Variants in NACC2 observed in about 807,000 individuals in gnomAD.
NACC2 encodes the protein NACC family member 2, also known as nucleus accumbens-associated protein 2.
A neutral mutation model predicts 25.1 loss-of-function variants in NACC2; 8 were observed. That is an observed-to-expected ratio of 0.32 (90% CI 0.19 to 0.57). The LOEUF is 0.57. Ranked by LOEUF, NACC2 falls within the 20% of genes least tolerant of loss-of-function variation. The pLI, the probability that NACC2 is intolerant of heterozygous loss-of-function variation, is 0.89. For missense variants in NACC2, 644 were observed against 650.2 expected, an observed-to-expected ratio of 0.99 and a Z score of 0.10; for synonymous variants, 435 against 294.7, an observed-to-expected ratio of 1.48 and a Z score of -4.88.
At chr9:136,024,542 GT>G (rs1840358462) in intron 2 of NACC2, among the ~76,000 whole-genome samples, 1 of 140,558 alleles carries the variant, frequency 7.1e-6, no homozygotes, top group Admixed American at 7.7e-5. Context: ...TGGACAGTGT[GT>G]GTGAGGACAG....
At chr9:136,074,070 C>T (rs1344919365) in intron 1 of NACC2, among the ~76,000 whole-genome samples, 1 of 152,064 alleles carries the variant, frequency 6.6e-6, no homozygotes, top group Non-Finnish European at 1.5e-5. Context: ...CTTTGGGAGG[C>T]TGAAGCAGAA....
intron 1 of NACC2, among the ~76,000 whole-genome samples, chr9:136,089,732 G>C (rs1224478714): frequency 1.3e-5 from 2 of 151,550 alleles, no homozygotes; most frequent in African/African-American, 4.9e-5. Context: ...CTTCATTTAG[G>C]AGCCACGGCC....
At chr9:136,043,140 A>G (rs1487598006) in intron 2 of NACC2, among the ~76,000 whole-genome samples, 1 of 152,248 alleles carries the variant, frequency 6.6e-6, no homozygotes, top group Non-Finnish European at 1.5e-5. Context: ...GATCTTCATC[A>G]AAATTTAAAA....
Position 136,031,501 on chromosome 9 carries a change from T to C in NACC2, c.887-15072A>G, listed in dbSNP as rs549886755. Among the ~76,000 whole-genome samples the C allele has an allele frequency of 2.6e-5, 4 of 152,134 alleles. No individual in the cohort carries two copies. In the South Asian group the frequency reaches 8.3e-4, roughly 32 times the overall value. ...TACAGGTGTGCGCCACCACACCAGG[T>C]TAATTTTTGTATTTTTAGTAGAGAT... On this transcript the variant is annotated intron_variant, in intron 2 of 5. Transcript: ENST00000277554.
At chr9:136,074,392 G>A (rs1830233823) in intron 1 of NACC2, among the ~76,000 whole-genome samples, 1 of 143,396 alleles carries the variant, frequency 7.0e-6, no homozygotes, top group Non-Finnish European at 1.5e-5. Flanking sequence ...GGCGGAGCTT[G>A]CAGTGAGCCG....
intron 1 of NACC2, among the ~76,000 whole-genome samples, chr9:136,058,664 A>T (rs1268584217): frequency 6.6e-6 from 1 of 152,214 alleles, no homozygotes; most frequent in Admixed American, 6.5e-5. Flanking sequence ...GCTCGATCGC[A>T]ACCCACCTCA....
intron 1 of NACC2, among the ~76,000 whole-genome samples, chr9:136,062,245 G>A (rs1841024000): frequency 6.6e-6 from 1 of 152,088 alleles, no homozygotes; most frequent in Admixed American, 6.6e-5. Context: ...CATGATGACT[G>A]CAAATACTTC....
intron 2 of NACC2, among the ~76,000 whole-genome samples, chr9:136,021,561 AAGT>A (rs1840294534): frequency 1.3e-5 from 2 of 152,226 alleles, no homozygotes; most frequent in Non-Finnish European, 2.9e-5. Flanking sequence ...GCTTCTTGTC[AAGT>A]TCAACATACA....
intron 2 of NACC2, among the ~76,000 whole-genome samples, chr9:136,039,576 G>T (rs1263719192): frequency 6.6e-6 from 1 of 152,144 alleles, no homozygotes; most frequent in Non-Finnish European, 1.5e-5. Flanking sequence ...AATTCCTTGA[G>T]AAAATATCAG....
At chr9:136,080,644 G>A (rs1830312700) in intron 1 of NACC2, among the ~76,000 whole-genome samples, 2 of 152,074 alleles carry the variant, frequency 1.3e-5, no homozygotes, top group South Asian at 4.1e-4. Flanking sequence ...AGACCGCACA[G>A]AATCAGCCCA....
At chr9:136,044,580 T>G (rs1204244089) in intron 2 of NACC2, among the ~76,000 whole-genome samples, 6 of 152,114 alleles carry the variant, frequency 3.9e-5, no homozygotes, top group African/African-American at 1.4e-4. Context: ...TGGGTGGTGG[T>G]GGGGGGGCTC....
rs1276104414 is a variant in NACC2, at chr9:136,024,186, AGTGT to A, written c.887-7761_887-7758del. 8.9e-4 allele frequency among the ~76,000 whole-genome samples: 75 copies of A among 84,312 alleles called. 1 individual carries two copies. Among genetic ancestry groups the A allele is most frequent in the African/African-American group, 2.3e-3 (46 of 19,802 alleles). 55.3% of individuals were successfully genotyped at this position (84,312 alleles called of 152,430 possible). A position where few individuals can be genotyped will look rare whatever the true frequency, so the allele number is the denominator to read the frequency against. On this transcript the variant is annotated intron_variant, in intron 2 of 5. Coordinates refer to ENST00000277554, the MANE Select transcript of NACC2 (RefSeq NM_144653.5). Reference sequence around the variant, plus strand: ...TGTGTGTGTGTGTGTGTGAGGACGGAGTGTGTGTGTGTGAGGACAGAGTGTGTGT... The same window carrying A: ...TGTGTGTGTGTGTGTGTGAGGACGGAGTGTGTGTGAGGACAGAGTGTGTGT...
intron 2 of NACC2, among the ~76,000 whole-genome samples, chr9:136,021,824 G>A (rs1223228546): frequency 6.6e-6 from 1 of 152,198 alleles, no homozygotes; most frequent in Non-Finnish European, 1.5e-5. Context: ...AAATCGTGCT[G>A]TTACACAGAA....
chr9:136,084,365 T>C lies in NACC2; in HGVS notation c.-60+10824A>G, dbSNP rs978335334. On this transcript the variant is annotated intron_variant, in intron 1 of 5. Coordinates refer to ENST00000277554, the MANE Select transcript of NACC2 (RefSeq NM_144653.5). This position sits in a 1 kb window ranked among gnomAD's most constrained non-coding sequence, Gnocchi z 5.1. ...CAAAGGCGGGTTGCTGGAGGGCTGC[T>C]TCCGAGACTCATCCATCACACAGAC... Among the ~76,000 whole-genome samples, 8 of 152,266 alleles carry C rather than the reference T, an allele frequency of 5.3e-5. 1 individual carries two copies. Among genetic ancestry groups the C allele is most frequent in the Admixed American group, 3.9e-4 (6 of 15,296 alleles).
At position 136,073,649 on chromosome 9, in the gene NACC2, T is replaced by G. The variant is rs983658051; in HGVS notation, c.-60+21540A>C. ...GGATGTATGGACAACCCAAGAATGT[T>G]TGCAGAAAGTCGACTTGATTTCCCT... On this transcript the variant is annotated intron_variant, in intron 1 of 5. Coordinates refer to ENST00000277554, the MANE Select transcript of NACC2 (RefSeq NM_144653.5). Among the ~76,000 whole-genome samples the G allele has an allele frequency of 2.0e-4, 15 of 75,114 alleles. No individual in the cohort carries two copies. The East Asian group carries it at 0.017, about 83-fold the overall frequency. The allele number at this position is 75,114 out of a possible 152,430, so 49.3% of individuals were successfully genotyped here.
Position 136,018,320 on chromosome 9 carries a change from G to A in NACC2, c.887-1891C>T, listed in dbSNP as rs1188881340. On this transcript the variant is annotated intron_variant, in intron 2 of 5. Transcript: ENST00000277554. This position sits in a 1 kb window ranked among gnomAD's most constrained non-coding sequence, Gnocchi z 4.4. ...CAGCCTGAGGAGGGCAGGAGGCAGG[G>A]AGGGTCCCAGAGTCACCTTTGCACC... 2.0e-5 allele frequency among the ~76,000 whole-genome samples: 3 copies of A among 152,040 alleles called. No individual in the cohort carries two copies. The highest frequency in any genetic ancestry group is 4.4e-5 in the Non-Finnish European group (3 of 67,970).
At chr9:136,061,578 A>T (rs1322900947) in intron 1 of NACC2, among the ~76,000 whole-genome samples, 3 of 152,146 alleles carry the variant, frequency 2.0e-5, no homozygotes, top group East Asian at 1.9e-4. Context: ...ATGCGTGTAC[A>T]CGTTCGGGGG....
intron 2 of NACC2, among the ~76,000 whole-genome samples, chr9:136,024,350 TGTGTGTGTGTGAGGACAGAAG>T (rs1367472647): frequency 0.016 from 1,741 of 111,156 alleles, 131 homozygotes; most frequent in African/African-American, 0.059. Flanking sequence ...GAGGACAGAG[TGTGTGTGTGTGAGGACAGAAG>T]GTGTGTGTGT....
At chr9:136,039,549 C>CA (rs1321803540) in intron 2 of NACC2, among the ~76,000 whole-genome samples, 1 of 152,196 alleles carries the variant, frequency 6.6e-6, no homozygotes, top group Non-Finnish European at 1.5e-5. Flanking sequence ...CAATAACCTT[C>CA]ATGAACATAA....
Sources: gnomAD v4.1 joint callset for allele counts (sites outside exome capture counted in the v4.1 genomes callset) on GRCh38, gnomAD v4.1.1 for gene constraint, Gnocchi (gnomAD v3.1) non-coding constraint, MANE v1.5 for transcripts, NCBI Gene and HGNC (gene_info 2026-07-23, HGNC 2026-07-21) for gene names.